The following MACF1 variants were observed in gnomAD, a reference collection of about 807,000 sequenced individuals.
MACF1 encodes the protein microtubule-actin cross-linking factor 1.
Under a neutral mutation model 854.8 loss-of-function variants are expected in MACF1, and 193 were observed. The observed-to-expected ratio is 0.23, with a 90% CI of 0.20 to 0.25. The LOEUF is 0.25. Ranked by LOEUF, MACF1 falls within the 10% of genes least tolerant of loss-of-function variation. The pLI, the probability that MACF1 is intolerant of heterozygous loss-of-function variation, is 1.00. For missense variants in MACF1, 7,722 were observed against 8,929.1 expected, an observed-to-expected ratio of 0.86 and a Z score of 5.45; for synonymous variants, 3,185 against 3,226.7, an observed-to-expected ratio of 0.99 and a Z score of 0.44.
chr1:39,205,074 C>A lies in MACF1; in HGVS notation c.52C>A (p.His18Asn), dbSNP rs1464599509. 1 of 703,016 alleles carries A rather than the reference C, an allele frequency of 1.4e-6. No homozygotes were observed. The highest frequency in any genetic ancestry group is 2.0e-5 in the Admixed American group (1 of 50,008). 43.5% of individuals were successfully genotyped at this position (703,016 alleles called of 1,614,324 possible). A position where few individuals can be genotyped will look rare whatever the true frequency, so the allele number is the denominator to read the frequency against. The change falls in exon 1 of 101, where the codon CAC (histidine) becomes AAC (asparagine). Residue 18 changes from histidine (H) to asparagine (N), a missense_variant. His to Asn is a moderately conservative substitution (Grantham distance 68). Transcript: ENST00000564288. ...ACCACCAACCATCTTTATTTTGACT[C>A]ACGTTCTTGGAGTTGCTGGTGTTCT... Reference protein sequence around the residue: ...YLPPTIFILTHVLGVAGVLYW... With the variant: ...YLPPTIFILTNVLGVAGVLYW...
At chr1:39,413,839 C>G (rs757850824) in intron 58 of MACF1, 15 of 1,611,580 alleles carry the variant, frequency 9.3e-6, no homozygotes, top group Non-Finnish European at 1.3e-5. Flanking sequence ...GGTGGCCACC[C>G]TGGAGGAACC....
intron 2 of MACF1, among the ~76,000 whole-genome samples, chr1:39,191,025 CA>C (rs2148247941): frequency 6.6e-6 from 1 of 152,026 alleles, no homozygotes; most frequent in African/African-American, 2.4e-5. Context: ...CCCAAAACAA[CA>C]ACAACAAAAA....
intron 6 of MACF1, chr1:39,268,988 ACGGGTAGTCGAT>A: frequency 7.8e-7 from 1 of 1,287,146 alleles, no homozygotes; most frequent in South Asian, 1.2e-5. Flanking sequence ...CCCCCAACTC[ACGGGTAGTCGAT>A]CGGGGGATGA....
intron 29 of MACF1, 152 bp downstream of exon 29, chr1:39,317,559 T>C (rs576180444): frequency 1.1e-6 from 1 of 886,038 alleles, no homozygotes; most frequent in Non-Finnish European, 1.7e-6. Flanking sequence ...GACAAGTAAG[T>C]GACAGAAAGG....
At chr1:39,258,763 G>A (rs74541874) in intron 6 of MACF1, among the ~76,000 whole-genome samples, 1,911 of 152,320 alleles carry the variant, frequency 0.013, 43 homozygotes, top group African/African-American at 0.044. Flanking sequence ...CTGATAGCTA[G>A]TGGGAATAGA....
Position 39,422,502 on chromosome 1 carries a change from G to T in MACF1, c.15945G>T (p.Glu5315Asp). The part of the protein sequence containing the change: ...DVQGLEHDME[E>D]INARWNTLNK... ...AGGGTTTAGAACATGACATGGAAGAGATCAATGCTCGATGGAATACATTGA... is the reference window on the plus strand; with the variant it reads ...AGGGTTTAGAACATGACATGGAAGATATCAATGCTCGATGGAATACATTGA... The change falls in exon 59 of 101, where the codon GAG becomes GAT. Residue 5315 changes from glutamate (E) to aspartate (D), a missense_variant. By Grantham distance (45) the Glu-to-Asp change is conservative. Around this residue, in one of 15 missense-constraint regions of MACF1, gnomAD observed 2,807 missense variants for 3,235.8 expected, o/e 0.87. Coordinates refer to ENST00000564288, the MANE Select transcript of MACF1 (RefSeq NM_001394062.1). 2.5e-6 allele frequency: 4 copies of T among 1,613,758 alleles called. No individual in the cohort carries two copies. Among genetic ancestry groups the T allele is most frequent in the Non-Finnish European group, 3.4e-6 (4 of 1,179,844 alleles).
chr1:39,458,811 A>T, intron 90 of MACF1: 3 of 490,826 alleles, frequency 6.1e-6, no homozygotes, highest in Non-Finnish European at 1.1e-5. Flanking sequence ...CTTCTACAGA[A>T]TATGTTGCTT....
In MACF1 at chr1:39,379,400, C is replaced by G; in HGVS notation, c.13474C>G (p.Pro4492Ala). 1 of 1,614,034 alleles carries G rather than the reference C, an allele frequency of 6.2e-7. No homozygotes were observed. The highest frequency in any genetic ancestry group is 1.1e-5 in the South Asian group (1 of 91,066). ...GAAATCCATGGATGCCATGTCATCTCCAACCAAGACAGAAACAGTGAAAGC... is the reference window on the plus strand; with the variant it reads ...GAAATCCATGGATGCCATGTCATCTGCAACCAAGACAGAAACAGTGAAAGC... ...VLKSMDAMSS[P>A]TKTETVKAQA... Residue 4492 changes from proline to alanine, a missense_variant, in exon 54 of 101, where the codon CCA becomes GCA. Around this residue, in one of 15 missense-constraint regions of MACF1, gnomAD observed 2,807 missense variants for 3,235.8 expected, o/e 0.87. Coordinates refer to ENST00000564288, the MANE Select transcript of MACF1 (RefSeq NM_001394062.1).
intron 2 of MACF1, among the ~76,000 whole-genome samples, chr1:39,241,629 C>T (rs142335830): frequency 0.025 from 3,325 of 133,242 alleles, 74 homozygotes; most frequent in East Asian, 0.14. Context: ...CACTGCATTC[C>T]GGCCTGGGTG....
intron 43 of MACF1, among the ~76,000 whole-genome samples, chr1:39,352,127 G>A (rs1028130610): frequency 3.3e-5 from 5 of 152,130 alleles, no homozygotes; most frequent in African/African-American, 1.2e-4. Flanking sequence ...CACTAATGAG[G>A]AAAGTGGAGA....
intron 6 of MACF1, among the ~76,000 whole-genome samples, chr1:39,277,280 A>C (rs1323574114): frequency 6.6e-6 from 1 of 152,218 alleles, no homozygotes; most frequent in Non-Finnish European, 1.5e-5. Context: ...AAAAGTAGAC[A>C]GTATTTTCTA....
chr1:39,447,390 C>A, intron 80 of MACF1, 42 bp from the exon 81 acceptor site: 1 of 1,595,622 alleles, frequency 6.3e-7, no homozygotes, highest in African/African-American at 1.3e-5. Context: ...CTGAAATTGG[C>A]GCTTTTTCTT....
At chr1:39,116,327 A>G (rs773363496) in intron 2 of MACF1, among the ~76,000 whole-genome samples, 3 of 152,026 alleles carry the variant, frequency 2.0e-5, no homozygotes, top group Non-Finnish European at 4.4e-5. Flanking sequence ...CTCTCTATGA[A>G]GTAGGAGGTG....
At chr1:39,387,079 A>G (rs1641836591) in intron 57 of MACF1, 108 bp from the exon 58 acceptor site, 1 of 1,247,170 alleles carries the variant, frequency 8.0e-7, no homozygotes, top group Non-Finnish European at 1.1e-6. Flanking sequence ...GTAGGCCCTC[A>G]AGTAACATTA....
chr1:39,207,393 G>C (rs1265431867), intron 1 of MACF1, among the ~76,000 whole-genome samples: 1 of 151,510 alleles, frequency 6.6e-6, no homozygotes, highest in Non-Finnish European at 1.5e-5. Flanking sequence ...TGATTCTCCT[G>C]CCTCAGTCTC....
intron 2 of MACF1, among the ~76,000 whole-genome samples, chr1:39,247,803 C>T (rs539387279): frequency 1.3e-5 from 2 of 152,120 alleles, no homozygotes; most frequent in African/African-American, 4.8e-5. Flanking sequence ...GAGGCTGAGG[C>T]GGGTGGATCA....
intron 58 of MACF1, among the ~76,000 whole-genome samples, chr1:39,404,290 G>A (rs1474914315): frequency 6.6e-6 from 1 of 151,616 alleles, no homozygotes; most frequent in Non-Finnish European, 1.5e-5. Flanking sequence ...AGACAACATG[G>A]TAAAACCCCA....
chr1:39,201,942 G>C (rs900467177), upstream of MACF1, among the ~76,000 whole-genome samples: 1 of 106,048 alleles, frequency 9.4e-6, no homozygotes, highest in East Asian at 3.0e-4. Flanking sequence ...CACATGACTT[G>C]TTTGCTCATA....
chr1:39,412,928 T>C, intron 58 of MACF1: 1 of 1,604,552 alleles, frequency 6.2e-7, no homozygotes. Context: ...GTTGCTTCAA[T>C]AGTCTCCTTA....
Sources: allele counts gnomAD v4.1 joint callset (sites outside exome capture counted in the v4.1 genomes callset), GRCh38; gene constraint gnomAD v4.1.1; regional missense constraint gnomAD v4.1.1; transcripts MANE v1.5; gene names NCBI Gene and HGNC (gene_info 2026-07-23, HGNC 2026-07-21).